Variants in PKIB observed in about 807,000 individuals in gnomAD.
The protein encoded by PKIB is cAMP-dependent protein kinase inhibitor beta, also known as PKI-beta.
Under a neutral mutation model 4.5 loss-of-function variants are expected in PKIB, and 2 were observed. The ratio of observed to expected loss-of-function variants is 0.44; its 90% confidence interval spans 0.18 to 1.39. PKIB has a LOEUF of 1.39. Ranked by LOEUF, PKIB falls within the 40% of genes most tolerant of loss-of-function variation. The probability of loss-of-function intolerance (pLI) is 0.27; values close to 1 mark genes in which losing one functional copy is unlikely to be tolerated. For synonymous variants in PKIB, 38 were observed against 36.0 expected (o/e 1.06, Z -0.20); for missense variants, 94 against 92.6 (o/e 1.02, Z -0.06).
intron 2 of PKIB, among the ~76,000 whole-genome samples, chr6:122,556,590 A>T (rs566103601): frequency 6.6e-6 from 1 of 152,326 alleles, no homozygotes; most frequent in South Asian, 2.1e-4. Flanking sequence ...CTTGGGCCAT[A>T]TGAATGAGCA....
At chr6:122,500,854 G>A in intron 2 of PKIB, among the ~76,000 whole-genome samples, 1 of 152,178 alleles carries the variant, frequency 6.6e-6, no homozygotes, top group East Asian at 1.9e-4. Context: ...AGGTGAAGGG[G>A]AAGCAGGCAC....
chr6:122,701,409 T>C, intron 3 of PKIB: 1 of 1,537,594 alleles, frequency 6.5e-7, no homozygotes, highest in Non-Finnish European at 8.8e-7. Context: ...TACTGACTGG[T>C]TAAGGCACTG....
In PKIB at chr6:122,488,983, A is replaced by G. The variant is rs184557426; in HGVS notation, c.-248+11044A>G. 3.0e-3 allele frequency among the ~76,000 whole-genome samples: 458 copies of G among 152,246 alleles called. 2 individuals are homozygous for G. The highest frequency in any genetic ancestry group is 0.01 in the African/African-American group (435 of 41,536). ...GTAACTCATTTATCCAATAGTGAGAAACTTGGTTCTCATTATTCTCAATTT... is the reference window on the plus strand; with the variant it reads ...GTAACTCATTTATCCAATAGTGAGAGACTTGGTTCTCATTATTCTCAATTT... On this transcript the variant is annotated intron_variant, in intron 2 of 6. Transcript: ENST00000392491.
At chr6:122,559,494 C>G (rs1156411390) in intron 2 of PKIB, among the ~76,000 whole-genome samples, 3 of 151,904 alleles carry the variant, frequency 2.0e-5, no homozygotes, top group African/African-American at 4.8e-5. Context: ...CAGATTTGGT[C>G]TTTTTGCTTA....
At chr6:122,619,432 T>G (rs1775128621) in intron 1 of PKIB, among the ~76,000 whole-genome samples, 1 of 152,116 alleles carries the variant, frequency 6.6e-6, no homozygotes, top group Admixed American at 6.5e-5. Context: ...CCTTTTTTTT[T>G]TATAGCTATT....
chr6:122,658,892 G>A (rs917641990), intron 2 of PKIB, among the ~76,000 whole-genome samples: 3 of 121,738 alleles, frequency 2.5e-5, no homozygotes, highest in African/African-American at 9.8e-5. Flanking sequence ...CATCTGCCAG[G>A]CACTCCTCTA....
chr6:122,524,403 C>T (rs2114606453), intron 2 of PKIB, among the ~76,000 whole-genome samples: 1 of 150,716 alleles, frequency 6.6e-6, no homozygotes, highest in Non-Finnish European at 1.5e-5. Flanking sequence ...CTTCTCCTTC[C>T]TCTTCTGCTT....
At chr6:122,669,736 G>T (rs1777377936) in intron 2 of PKIB, among the ~76,000 whole-genome samples, 1 of 151,908 alleles carries the variant, frequency 6.6e-6, no homozygotes. Flanking sequence ...TTTGTTGGTG[G>T]TTCCAGTATT....
intron 3 of PKIB, among the ~76,000 whole-genome samples, chr6:122,597,419 G>T (rs1666627393): frequency 6.6e-6 from 1 of 152,218 alleles, no homozygotes; most frequent in Admixed American, 6.5e-5. Flanking sequence ...GTCAATGGCT[G>T]CATACAAGGT....
At chr6:122,500,684 G>T (rs946402494) in intron 2 of PKIB, among the ~76,000 whole-genome samples, 1 of 152,100 alleles carries the variant, frequency 6.6e-6, no homozygotes, top group Non-Finnish European at 1.5e-5. Context: ...AATTTATTTT[G>T]CATGAGTTAT....
intron 1 of PKIB, among the ~76,000 whole-genome samples, chr6:122,473,537 T>A (rs951049979): frequency 3.9e-5 from 6 of 152,010 alleles, no homozygotes; most frequent in African/African-American, 1.2e-4. Context: ...CTATGTGGAG[T>A]GGAATTTGCT....
intron 1 of PKIB, among the ~76,000 whole-genome samples, chr6:122,611,798 T>A (rs1336576920): frequency 1.3e-5 from 2 of 152,202 alleles, no homozygotes; most frequent in African/African-American, 4.8e-5. Flanking sequence ...AGGTTATGGA[T>A]CAAGTTTGGT....
chr6:122,561,637 G>A (rs374541052), intron 2 of PKIB, among the ~76,000 whole-genome samples: 11 of 151,924 alleles, frequency 7.2e-5, no homozygotes, highest in African/African-American at 2.4e-4. Flanking sequence ...ATATTTTCCT[G>A]TTGGGCAAGG....
At chr6:122,472,817 A>G (rs916215543) in intron 1 of PKIB, among the ~76,000 whole-genome samples, 2 of 152,236 alleles carry the variant, frequency 1.3e-5, no homozygotes, top group African/African-American at 4.8e-5. Context: ...GTATTATAAT[A>G]GAGCATCCAT....
At chr6:122,700,811 T>C (rs1778780949) in intron 3 of PKIB, among the ~76,000 whole-genome samples, 3 of 152,228 alleles carry the variant, frequency 2.0e-5, no homozygotes, top group Admixed American at 2.0e-4. Context: ...TTAGTGGCCT[T>C]TCTCAGAAGT....
At chr6:122,611,558 CA>C (rs2114760714) in intron 1 of PKIB, among the ~76,000 whole-genome samples, 1 of 152,294 alleles carries the variant, frequency 6.6e-6, no homozygotes, top group East Asian at 1.9e-4. Context: ...CAGTGGTTTG[CA>C]TACTGAAAGG....
upstream of PKIB, among the ~76,000 whole-genome samples, chr6:122,608,444 T>C (rs541852198): frequency 1.3e-5 from 2 of 152,358 alleles, no homozygotes; most frequent in East Asian, 1.9e-4. Flanking sequence ...CTTGCACTTA[T>C]GGTCAGGTCG....
chr6:122,616,292 T>G (rs1774985757), intron 1 of PKIB, among the ~76,000 whole-genome samples: 1 of 152,062 alleles, frequency 6.6e-6, no homozygotes, highest in Admixed American at 6.5e-5. Context: ...GAGGACATAA[T>G]AGGAGAAGGG....
intron 2 of PKIB, among the ~76,000 whole-genome samples, chr6:122,671,118 C>G (rs1237830159): frequency 6.6e-6 from 1 of 151,928 alleles, no homozygotes; most frequent in Admixed American, 6.6e-5. Flanking sequence ...ATGGTGAAAC[C>G]CTGTCTCTAC....
Sources: allele counts gnomAD v4.1 joint callset (sites outside exome capture counted in the v4.1 genomes callset), GRCh38; gene constraint gnomAD v4.1.1; transcripts MANE v1.5; gene names NCBI Gene and HGNC (gene_info 2026-07-23, HGNC 2026-07-21).